Variants in FZD6 observed in about 807,000 individuals in gnomAD.
FZD6 encodes frizzled-6.
Under a neutral mutation model 61.4 loss-of-function variants are expected in FZD6, and 49 were observed. That is an observed-to-expected ratio of 0.80 (90% CI 0.63 to 1.01). FZD6 has a LOEUF of 1.01. Ranked by LOEUF, FZD6 falls within the 50% of genes least tolerant of loss-of-function variation. The probability of loss-of-function intolerance (pLI) is 0.00; values close to 1 mark genes in which losing one functional copy is unlikely to be tolerated. For missense variants in FZD6, 724 were observed against 848.2 expected, an observed-to-expected ratio of 0.85 and a Z score of 1.82; for synonymous variants, 265 against 292.2, an observed-to-expected ratio of 0.91 and a Z score of 0.95.
At chr8:103,330,982 T>C (rs576505414) in intron 6 of FZD6, among the ~76,000 whole-genome samples, 109 of 152,174 alleles carry the variant, frequency 7.2e-4, no homozygotes, top group African/African-American at 1.7e-3. Flanking sequence ...TCGAGACCAT[T>C]CTGGCTAACA....
intron 4 of FZD6, among the ~76,000 whole-genome samples, chr8:103,327,003 G>A (rs1814970106): frequency 1.3e-5 from 2 of 152,212 alleles, no homozygotes; most frequent in Admixed American, 6.5e-5. Context: ...TCTAACCACT[G>A]TGTGGTGAAA....
At chr8:103,317,825 CAAAAAA>C (rs60176627) in intron 2 of FZD6, among the ~76,000 whole-genome samples, 12,834 of 133,560 alleles carry the variant, frequency 0.096, 702 homozygotes, top group Middle Eastern at 0.27. Context: ...GACTCTGTCT[CAAAAAA>C]AAAAAAAAAA....
At chr8:103,322,231 G>A (rs1306764683) in intron 3 of FZD6, among the ~76,000 whole-genome samples, 1 of 152,078 alleles carries the variant, frequency 6.6e-6, no homozygotes, top group African/African-American at 2.4e-5. Flanking sequence ...TTGGCAAGGT[G>A]AATGGTCTTT....
intron 2 of FZD6, among the ~76,000 whole-genome samples, chr8:103,314,642 C>G (rs1316008687): frequency 6.6e-6 from 1 of 152,226 alleles, no homozygotes; most frequent in African/African-American, 2.4e-5. Context: ...AGGGGAACTT[C>G]CCACTGGTCC....
At chr8:103,310,495 C>T (rs1193102599) in intron 2 of FZD6, among the ~76,000 whole-genome samples, 1 of 152,108 alleles carries the variant, frequency 6.6e-6, no homozygotes, top group Non-Finnish European at 1.5e-5. Context: ...GACCTCCTGG[C>T]ATAAACCAGT....
intron 3 of FZD6, among the ~76,000 whole-genome samples, chr8:103,319,246 G>T (rs1291002692): frequency 6.6e-6 from 1 of 152,136 alleles, no homozygotes; most frequent in Non-Finnish European, 1.5e-5. Context: ...TAGAGACCCT[G>T]CAGGGCCCCT....
At position 103,319,192 on chromosome 8, in the gene FZD6, A is replaced by G. The variant is rs370553841; in HGVS notation, c.374+406A>G. Among the ~76,000 whole-genome samples, 23 of 152,300 alleles carry G rather than the reference A, an allele frequency of 1.5e-4. No individual in the cohort carries two copies. In the South Asian group the frequency reaches 4.8e-3, roughly 32 times the overall value. On this transcript the variant is annotated intron_variant, in intron 3 of 6. Coordinates refer to ENST00000358755, the MANE Select transcript of FZD6 (RefSeq NM_003506.4). The stretch of plus-strand genomic sequence containing the variant: ...AGGGTAAGACAGAGGTAACTAGGCA[A>G]TGAGAGGAGGGAAGAGCATTTCGGG...
intron 4 of FZD6, among the ~76,000 whole-genome samples, chr8:103,327,017 T>A (rs1173356389): frequency 6.6e-6 from 1 of 152,206 alleles, no homozygotes; most frequent in Non-Finnish European, 1.5e-5. Flanking sequence ...GGTGAAACAA[T>A]AAATAGCAAA....
In FZD6 at chr8:103,300,203, T is replaced by G; in HGVS notation, c.96T>G (p.Cys32Trp). Residue 32 changes from cysteine (C) to tryptophan (W), a missense_variant, in exon 2 of 7, where the codon TGT becomes TGG. Physicochemically the swap from Cys to Trp is radical, Grantham distance 215. Transcript: ENST00000358755. ...GTGAACCAATTACTGTTCCCAGATG[T>G]ATGAAAATGGCCTACAACATGACGT... Reference protein sequence around the residue: ...FTCEPITVPRCMKMAYNMTFF... With the variant: ...FTCEPITVPRWMKMAYNMTFF... The G allele has an allele frequency of 6.2e-7, 1 of 1,605,536 alleles. No individual in the cohort carries two copies. Among genetic ancestry groups the G allele is most frequent in the Non-Finnish European group, 8.5e-7 (1 of 1,172,124 alleles).
At chr8:103,303,942 C>A (rs940041125) in intron 2 of FZD6, among the ~76,000 whole-genome samples, 4 of 150,378 alleles carry the variant, frequency 2.7e-5, no homozygotes, top group Admixed American at 2.6e-4. Flanking sequence ...TTTTTTCAAA[C>A]ATTGTACTTT....
rs757285832 is a variant in FZD6, at chr8:103,319,116, A to G, written c.374+330A>G. ...GAATATATAATGATACCTTTGACCT[A>G]AACTGGGGAAAGGGGAAGGAAATGA... On this transcript the variant is annotated intron_variant, in intron 3 of 6. Transcript: ENST00000358755. Among the ~76,000 whole-genome samples the G allele has an allele frequency of 8.2e-4, 125 of 152,336 alleles. No individual in the cohort carries two copies. The Middle Eastern group carries it at 0.034, about 41-fold the overall frequency.
chr8:103,323,938 G>T (rs827551), intron 3 of FZD6, among the ~76,000 whole-genome samples: 143,537 of 152,286 alleles, frequency 0.94, 67,703 homozygotes, highest in East Asian at 1. Flanking sequence ...ATACTTGCCT[G>T]TCTTTAAAAA....
At position 103,325,348 on chromosome 8, in the gene FZD6, G is replaced by T. The variant is rs1280383857; in HGVS notation, c.1242G>T (p.Met414Ile). 4 of 1,613,982 alleles carry T rather than the reference G, an allele frequency of 2.5e-6. No homozygotes were observed. The highest frequency in any genetic ancestry group is 3.4e-6 in the Non-Finnish European group (4 of 1,180,018). Residue 414 changes from methionine to isoleucine, a missense_variant, in exon 4 of 7, where the codon ATG becomes ATT. By Grantham distance (10) the Met-to-Ile change is conservative. Transcript: ENST00000358755. ...ACCAAGAAAAACTAAAGAAATTTATGATTCGAATTGGAGTCTTCAGCGGCT... is the reference window on the plus strand; with the variant it reads ...ACCAAGAAAAACTAAAGAAATTTATTATTCGAATTGGAGTCTTCAGCGGCT... ...GRNQEKLKKF[M>I]IRIGVFSGLY... is the part of the protein sequence containing the mutation.
At chr8:103,328,915 A>T in intron 5 of FZD6, among the ~76,000 whole-genome samples, 1 of 150,204 alleles carries the variant, frequency 6.7e-6, no homozygotes, top group Admixed American at 6.7e-5. Context: ...TATGACCTAA[A>T]CTTTCACTTA....
intron 2 of FZD6, among the ~76,000 whole-genome samples, chr8:103,311,380 A>G (rs62525499): frequency 1.3e-5 from 2 of 152,166 alleles, no homozygotes; most frequent in African/African-American, 2.4e-5. Context: ...CTTAGCTTCC[A>G]TAGTGTCTTA....
intron 3 of FZD6, among the ~76,000 whole-genome samples, chr8:103,323,097 T>C (rs1814838829): frequency 6.6e-6 from 1 of 152,164 alleles, no homozygotes; most frequent in South Asian, 2.1e-4. Flanking sequence ...CATGGTGTCA[T>C]TTATATAAAG....
chr8:103,329,659 A>G lies in FZD6; in HGVS notation c.1546A>G (p.Ile516Val), dbSNP rs1032747700. Residue 516 changes from isoleucine (I) to valine (V), a missense_variant, in exon 6 of 7, where the codon ATC becomes GTC. Ile to Val is a conservative substitution (Grantham distance 29). Coordinates refer to ENST00000358755, the MANE Select transcript of FZD6 (RefSeq NM_003506.4). ...FFKRNRKRDPISESRRVLQES... is the reference protein window; with the variant it reads ...FFKRNRKRDPVSESRRVLQES... Reference sequence around the variant, plus strand: ...TCTCCTTCAATTTTCTTATAGTCCAATCAGTGAAAGTCGAAGAGTACTACA... The same window carrying G: ...TCTCCTTCAATTTTCTTATAGTCCAGTCAGTGAAAGTCGAAGAGTACTACA... 1.2e-6 allele frequency: 2 copies of G among 1,602,292 alleles called. No individual in the cohort carries two copies. Among genetic ancestry groups the G allele is most frequent in the Non-Finnish European group, 1.7e-6 (2 of 1,169,556 alleles).
At chr8:103,308,653 T>C (rs1814409015) in intron 2 of FZD6, among the ~76,000 whole-genome samples, 1 of 152,204 alleles carries the variant, frequency 6.6e-6, no homozygotes, top group South Asian at 2.1e-4. Flanking sequence ...AATTATAATA[T>C]GGCAGAAGCA....
chr8:103,319,263 G>A (rs1814715678), intron 3 of FZD6, among the ~76,000 whole-genome samples: 1 of 152,120 alleles, frequency 6.6e-6, no homozygotes, highest in Non-Finnish European at 1.5e-5. Context: ...CCCTGAACAG[G>A]GAGTGAGGGA....
Sources: gnomAD v4.1 joint callset for allele counts (sites outside exome capture counted in the v4.1 genomes callset) on GRCh38, gnomAD v4.1.1 for gene constraint, MANE v1.5 for transcripts, NCBI Gene and HGNC (gene_info 2026-07-23, HGNC 2026-07-21) for gene names.